PDE7B: variants seen among roughly 807,000 people sequenced by gnomAD.
PDE7B encodes 3',5'-cyclic-AMP phosphodiesterase 7B.
In PDE7B, 29 loss-of-function variants were observed where a neutral mutation model predicts 56.2. The ratio of observed to expected loss-of-function variants is 0.52; its 90% CI spans 0.38 to 0.70. PDE7B has a LOEUF of 0.70. Among genes scored for constraint, PDE7B ranks in the 30% least tolerant of loss-of-function variants. The pLI, the probability that PDE7B is intolerant of heterozygous loss-of-function variation, is 0.00. For missense variants in PDE7B, 490 were observed against 565.0 expected (o/e 0.87, Z 1.35); for synonymous variants, 197 against 196.9 (o/e 1.00, Z 0.00).
intron 12 of PDE7B, among the ~76,000 whole-genome samples, chr6:136,187,464 C>T (rs1233433667): frequency 1.3e-5 from 2 of 152,160 alleles, no homozygotes; most frequent in Non-Finnish European, 2.9e-5. Flanking sequence ...TGGGAATCAG[C>T]AGAATCTGCC....
chr6:136,100,461 T>C (rs922348153), intron 2 of PDE7B, among the ~76,000 whole-genome samples: 5 of 152,226 alleles, frequency 3.3e-5, no homozygotes, highest in African/African-American at 4.8e-5. Context: ...AGCAGTGGTT[T>C]GTAATTCTCC....
intron 2 of PDE7B, among the ~76,000 whole-genome samples, chr6:135,955,332 T>C (rs1266604809): frequency 6.6e-6 from 1 of 151,566 alleles, no homozygotes; most frequent in Non-Finnish European, 1.5e-5. Flanking sequence ...GTGCAAGACA[T>C]GGTAAGGAGC....
At chr6:136,006,977 G>A (rs1775796552) in intron 2 of PDE7B, among the ~76,000 whole-genome samples, 1 of 152,138 alleles carries the variant, frequency 6.6e-6, no homozygotes, top group South Asian at 2.1e-4. Context: ...GGGCATTCTT[G>A]TCTTCTGTCA....
intron 2 of PDE7B, among the ~76,000 whole-genome samples, chr6:135,984,866 G>A (rs1311433698): frequency 6.6e-6 from 1 of 151,998 alleles, no homozygotes; most frequent in Non-Finnish European, 1.5e-5. Context: ...TCAGAGCTTA[G>A]AGCTGTTGCT....
intron 3 of PDE7B, among the ~76,000 whole-genome samples, chr6:136,117,757 T>TA (rs1424064081): frequency 6.6e-6 from 1 of 152,156 alleles, no homozygotes; most frequent in Non-Finnish European, 1.5e-5. Context: ...CCCCAGGCTA[T>TA]AGGTCTCTTG....
intron 2 of PDE7B, among the ~76,000 whole-genome samples, chr6:135,972,242 A>G (rs921747225): frequency 6.6e-6 from 1 of 150,760 alleles, no homozygotes; most frequent in Non-Finnish European, 1.5e-5. Context: ...TCAAAAAAAA[A>G]AAAAAAAAAA....
intron 1 of PDE7B, among the ~76,000 whole-genome samples, chr6:135,864,443 A>G (rs2128185218): frequency 6.6e-6 from 1 of 151,978 alleles, no homozygotes; most frequent in African/African-American, 2.4e-5. Flanking sequence ...TTTTACCTTT[A>G]TTTCTGATGT....
In PDE7B at chr6:136,191,923, G is replaced by A; in HGVS notation, c.*83G>A. 9.8e-7 allele frequency: 1 copy of A among 1,017,596 alleles called. No homozygotes were observed. The highest frequency in any genetic ancestry group is 1.5e-6 in the Non-Finnish European group (1 of 687,648). The allele number at this position is 1,017,596 out of a possible 1,614,324, so 63.0% of individuals were successfully genotyped here. ...AGCGTGGAGGGGCCCTCACGCAGCA[G>A]CCCAGCCACTTTCTGAGTGTTGTCC... On this transcript the variant is annotated 3_prime_UTR_variant, in exon 13 of 13. Transcript: ENST00000308191.
At chr6:136,021,211 C>T (rs1300841976) in intron 2 of PDE7B, among the ~76,000 whole-genome samples, 4 of 152,202 alleles carry the variant, frequency 2.6e-5, no homozygotes, top group African/African-American at 9.7e-5. Context: ...TCTCATCATT[C>T]CAAACTTAAA....
At chr6:136,124,415 C>T (rs969279334) in intron 3 of PDE7B, among the ~76,000 whole-genome samples, 3 of 151,978 alleles carry the variant, frequency 2.0e-5, no homozygotes, top group South Asian at 2.1e-4. Context: ...AGCAAAGCAT[C>T]GACAAAATAG....
At position 136,193,681 on chromosome 6, in the gene PDE7B, T is replaced by C. The variant is rs1779266217; in HGVS notation, c.*1841T>C. On this transcript the variant is annotated 3_prime_UTR_variant, in exon 13 of 13. Coordinates refer to ENST00000308191, the MANE Select transcript of PDE7B (RefSeq NM_018945.4). The stretch of plus-strand genomic sequence containing the variant: ...GCCACTATCAACCTGATCCTCATGC[T>C]GATAGAATGACAGCTAGCACTTATT... 1 of 152,250 alleles carries C rather than the reference T, an allele frequency of 6.6e-6. No individual in the cohort carries two copies. Among genetic ancestry groups the C allele is most frequent in the African/African-American group, 2.4e-5 (1 of 41,470 alleles). 9.4% of individuals were successfully genotyped at this position (152,250 alleles called of 1,614,324 possible). A position where few individuals can be genotyped will look rare whatever the true frequency, so the allele number is the denominator to read the frequency against.
At chr6:136,108,856 T>TA in intron 3 of PDE7B, 42 bp downstream of exon 3, 2 of 1,223,408 alleles carry the variant, frequency 1.6e-6, no homozygotes, top group Admixed American at 1.8e-5. Context: ...AACGTTTTCT[T>TA]CAAAAAGAAA....
chr6:136,190,877 G>C (rs770275639), intron 12 of PDE7B, among the ~76,000 whole-genome samples: 1 of 152,052 alleles, frequency 6.6e-6, no homozygotes, highest in Non-Finnish European at 1.5e-5. Context: ...ACTGTAAAAT[G>C]ATCATCTTGA....
chr6:135,884,927 T>C (rs1429114958), intron 1 of PDE7B, among the ~76,000 whole-genome samples: 1 of 152,104 alleles, frequency 6.6e-6, no homozygotes, highest in African/African-American at 2.4e-5. Context: ...CAGATGAGGA[T>C]ATTACACCCA....
intron 1 of PDE7B, among the ~76,000 whole-genome samples, chr6:135,945,196 G>A (rs1263377799): frequency 2.6e-5 from 4 of 152,128 alleles, no homozygotes; most frequent in Non-Finnish European, 5.9e-5. Flanking sequence ...AGACTCCATG[G>A]GTCGTTAATC....
In PDE7B at chr6:136,177,793, A is replaced by G. The variant is rs73777470; in HGVS notation, c.804-1204A>G. 1.8e-3 allele frequency among the ~76,000 whole-genome samples: 279 copies of G among 152,334 alleles called. 2 individuals carry two copies. Among genetic ancestry groups the G allele is most frequent in the African/African-American group, 6.6e-3 (274 of 41,586 alleles). ...ATATAGACCCCAGGGAGACTTCTGC[A>G]CATGCGTAACTAGAGGTATATAAGA... On this transcript the variant is annotated intron_variant, in intron 9 of 12. Transcript: ENST00000308191.
At chr6:135,892,345 C>T (rs941162452) in intron 1 of PDE7B, among the ~76,000 whole-genome samples, 3 of 152,130 alleles carry the variant, frequency 2.0e-5, no homozygotes. Context: ...CCTGTGACTT[C>T]AAGTACCTTC....
intron 9 of PDE7B, 54 bp downstream of exon 9, chr6:136,173,942 C>A: frequency 1.6e-6 from 2 of 1,290,270 alleles, no homozygotes; most frequent in South Asian, 2.4e-5. Flanking sequence ...AGATAAGCCA[C>A]TTTCTCTAGG....
chr6:135,958,319 C>T (rs1222197723), intron 2 of PDE7B, among the ~76,000 whole-genome samples: 2 of 152,152 alleles, frequency 1.3e-5, no homozygotes, highest in Non-Finnish European at 2.9e-5. Context: ...AAACTTCTTG[C>T]TTTCAAGATG....
Sources: allele counts gnomAD v4.1 joint callset (sites outside exome capture counted in the v4.1 genomes callset), GRCh38; gene constraint gnomAD v4.1.1; transcripts MANE v1.5; gene names NCBI Gene and HGNC (gene_info 2026-07-23, HGNC 2026-07-21).